Variants in CDH19 observed in about 807,000 individuals in gnomAD.
CDH19 encodes the protein cadherin-19.
CDH19 carries 67 observed loss-of-function variants against 64.2 expected under a neutral mutation model. The ratio of observed to expected loss-of-function variants is 1.04; its 90% CI spans 0.86 to 1.28. The LOEUF (loss-of-function observed/expected upper bound fraction) is 1.28. Ranked by LOEUF, CDH19 falls within the 50% of genes most tolerant of loss-of-function variation. The probability of loss-of-function intolerance (pLI) is 0.00; values close to 1 mark genes in which losing one functional copy is unlikely to be tolerated. For missense variants in CDH19, 1,030 were observed against 929.0 expected (o/e 1.11, Z -1.41); for synonymous variants, 346 against 319.3 (o/e 1.08, Z -0.89).
intron 9 of CDH19, among the ~76,000 whole-genome samples, 149 bp downstream of exon 9, chr18:66,529,689 TAATATAG>T (rs1034974053): frequency 4.7e-5 from 7 of 147,812 alleles, no homozygotes; most frequent in African/African-American, 1.7e-4. Flanking sequence ...GAATATAATA[TAATATAG>T]AATTACAATA....
At chr18:66,573,493 A>G (rs1013393366) in intron 1 of CDH19, among the ~76,000 whole-genome samples, 3 of 151,690 alleles carry the variant, frequency 2.0e-5, no homozygotes, top group East Asian at 1.9e-4. Flanking sequence ...GAGAAATTCA[A>G]CTGAGGTGAA....
rs1985032714 is a variant in CDH19, at chr18:66,503,439, G to T, written c.*1373C>A. The T allele has an allele frequency of 6.6e-6, 1 of 151,734 alleles. No individual in the cohort carries two copies. Among genetic ancestry groups the T allele is most frequent in the African/African-American group, 2.4e-5 (1 of 41,398 alleles). 9.4% of individuals were successfully genotyped at this position (151,734 alleles called of 1,614,324 possible). On this transcript the variant is annotated 3_prime_UTR_variant, in exon 12 of 12. Transcript: ENST00000262150. ...TGTATCATGTTTTATCCCATGAATG[G>T]TAAGTCAGTTCAGTTGATCATAATA...
chr18:66,531,858 A>G (rs187589915), intron 8 of CDH19, among the ~76,000 whole-genome samples: 2 of 152,352 alleles, frequency 1.3e-5, no homozygotes, highest in African/African-American at 4.8e-5. Context: ...ACATAAGGCA[A>G]TTAAGAGTAC....
At chr18:66,561,281 G>A (rs1259665923) in intron 3 of CDH19, among the ~76,000 whole-genome samples, 1 of 152,022 alleles carries the variant, frequency 6.6e-6, no homozygotes, top group Non-Finnish European at 1.5e-5. Flanking sequence ...ATGCTTCTAG[G>A]ACATGATGAC....
chr18:66,557,879 G>A (rs1987577048), intron 3 of CDH19, among the ~76,000 whole-genome samples: 1 of 151,588 alleles, frequency 6.6e-6, no homozygotes. Flanking sequence ...GTTCCCTGAT[G>A]TTCAGCTCTG....
intron 3 of CDH19, among the ~76,000 whole-genome samples, chr18:66,566,527 A>G (rs868062681): frequency 1.3e-5 from 2 of 151,784 alleles, no homozygotes; most frequent in Non-Finnish European, 2.9e-5. Flanking sequence ...GGCTTAAATC[A>G]TTATTACTTC....
Position 66,505,154 on chromosome 18 carries a change from C to A in CDH19, c.1977G>T (p.Leu659=). Residue 659 remains leucine, a synonymous_variant, in exon 12 of 12, where the codon CTG becomes CTT. Transcript: ENST00000262150. ...EDTEAFDIAE[L]RSSTIMRERK... is the part of the protein sequence containing the mutation. ...GTTCCCGCATTATGGTACTACTCCT[C>A]AGCTCTGCTATATCAAAGGCCTCTG... is the stretch of plus-strand genomic sequence containing the variant. 6.2e-7 allele frequency: 1 copy of A among 1,613,578 alleles called. No homozygotes were observed. Among genetic ancestry groups the A allele is most frequent in the South Asian group, 1.1e-5 (1 of 91,064 alleles).
chr18:66,588,229 G>C (rs930790488), intron 1 of CDH19, among the ~76,000 whole-genome samples: 2 of 152,060 alleles, frequency 1.3e-5, no homozygotes, highest in African/African-American at 2.4e-5. Flanking sequence ...CCTGCAATGG[G>C]ATGGCACCCT....
rs1986750611 is a variant in CDH19, at chr18:66,538,252, T to C, written c.1215-3145A>G. On this transcript the variant is annotated intron_variant, in intron 7 of 11. Coordinates refer to ENST00000262150, the MANE Select transcript of CDH19 (RefSeq NM_021153.4). The stretch of plus-strand genomic sequence containing the variant: ...ATTCCTCTCCTTTTGATTATGTTAT[T>C]TGTCTATAATATAATAAAGTACATT... Among the ~76,000 whole-genome samples, 3 of 152,174 alleles carry C rather than the reference T, an allele frequency of 2.0e-5. No homozygotes were observed. In the South Asian group the frequency reaches 6.2e-4, roughly 31 times the overall value.
At chr18:66,581,686 C>A (rs1053711478) in intron 1 of CDH19, among the ~76,000 whole-genome samples, 13 of 152,076 alleles carry the variant, frequency 8.5e-5, no homozygotes, top group Non-Finnish European at 1.6e-4. Context: ...GGGGGCCTCT[C>A]AGGCTTTTGG....
intron 1 of CDH19, among the ~76,000 whole-genome samples, chr18:66,581,436 G>T (rs1568208763): frequency 6.6e-6 from 1 of 152,032 alleles, no homozygotes; most frequent in Admixed American, 6.6e-5. Context: ...GTGTCTGTGA[G>T]GGTTTTGCCA....
At chr18:66,600,891 CAAAGA>C (rs1989021115) in intron 1 of CDH19, among the ~76,000 whole-genome samples, 1 of 151,738 alleles carries the variant, frequency 6.6e-6, no homozygotes, top group Non-Finnish European at 1.5e-5. Flanking sequence ...CATAGTCTCC[CAAAGA>C]AAAGTGTTAT....
chr18:66,567,648 T>C (rs1371462821), intron 3 of CDH19, among the ~76,000 whole-genome samples: 3 of 151,904 alleles, frequency 2.0e-5, no homozygotes, highest in Non-Finnish European at 4.4e-5. Flanking sequence ...GTAAAGTAGT[T>C]ATAAGCATGT....
At chr18:66,567,062 T>C (rs1039097264) in intron 3 of CDH19, among the ~76,000 whole-genome samples, 2 of 151,912 alleles carry the variant, frequency 1.3e-5, no homozygotes, top group Non-Finnish European at 2.9e-5. Context: ...ACCTCACCCA[T>C]ACATAACACT....
chr18:66,563,034 T>C (rs940108361), intron 3 of CDH19, among the ~76,000 whole-genome samples: 6 of 152,138 alleles, frequency 3.9e-5, no homozygotes, highest in Non-Finnish European at 8.8e-5. Flanking sequence ...TATTAAATGA[T>C]GTTCTTTCCT....
At chr18:66,531,652 G>A (rs1163341010) in intron 8 of CDH19, among the ~76,000 whole-genome samples, 2 of 152,046 alleles carry the variant, frequency 1.3e-5, no homozygotes, top group African/African-American at 2.4e-5. Flanking sequence ...TTTATTGTGA[G>A]CTCTAAAACT....
intron 1 of CDH19, among the ~76,000 whole-genome samples, chr18:66,597,162 T>TAA (rs71169160): frequency 1.0e-4 from 9 of 86,294 alleles, no homozygotes; most frequent in African/African-American, 1.4e-4. Flanking sequence ...AATCTTAAGT[T>TAA]AAAAAAAAAA....
intron 1 of CDH19, among the ~76,000 whole-genome samples, chr18:66,579,363 CAAAGT>C (rs2144598615): frequency 6.6e-6 from 1 of 151,964 alleles, no homozygotes; most frequent in South Asian, 2.1e-4. Flanking sequence ...AAACAGGAAA[CAAAGT>C]AAACAAAGTA....
At chr18:66,535,769 A>G (rs1302657823) in intron 7 of CDH19, among the ~76,000 whole-genome samples, 3 of 146,594 alleles carry the variant, frequency 2.0e-5, no homozygotes, top group Admixed American at 6.8e-5. Flanking sequence ...GAAAATATGT[A>G]ATACATAATA....
Sources: gnomAD v4.1 joint callset for allele counts (sites outside exome capture counted in the v4.1 genomes callset) on GRCh38, gnomAD v4.1.1 for gene constraint, MANE v1.5 for transcripts, NCBI Gene and HGNC (gene_info 2026-07-23, HGNC 2026-07-21) for gene names.